ZDHHC21: variants seen among roughly 807,000 people sequenced by gnomAD.
ZDHHC21 encodes zDHHC palmitoyltransferase 21, also known as palmitoyltransferase ZDHHC21.
Under a neutral mutation model 34.6 loss-of-function variants are expected in ZDHHC21, and 15 were observed. The observed-to-expected ratio is 0.43, with a 90% confidence interval of 0.29 to 0.67. The LOEUF (loss-of-function observed/expected upper bound fraction) is 0.67, where lower values mean the gene tolerates loss of function less well. Ranked by LOEUF, ZDHHC21 falls within the 30% of genes least tolerant of loss-of-function variation. The pLI, the probability that ZDHHC21 is intolerant of heterozygous loss-of-function variation, is 0.14. For missense variants in ZDHHC21, 344 were observed against 327.7 expected (o/e 1.05, Z -0.38); for synonymous variants, 142 against 101.8 (o/e 1.40, Z -2.38).
At chr9:14,600,027 T>C in the ZDHHC21 span, among the ~76,000 whole-genome samples, 14 of 152,316 alleles carry the variant, frequency 9.2e-5, no homozygotes, top group African/African-American at 2.9e-4. Flanking sequence ...GAGCTATTTA[T>C]GACAAAACCA....
chr9:14,595,441 G>A, the ZDHHC21 span, among the ~76,000 whole-genome samples: 1 of 152,300 alleles, frequency 6.6e-6, no homozygotes, highest in Non-Finnish European at 1.5e-5. Context: ...TCCATTTATA[G>A]TAACTGCCTA....
At chr9:14,622,564 T>C (rs1586898025) in intron 8 of ZDHHC21, 4 of 985,302 alleles carry the variant, frequency 4.1e-6, no homozygotes, top group Non-Finnish European at 4.8e-6. Context: ...CCTCTTGGCA[T>C]AGAGCGCTTG....
Position 14,639,904 on chromosome 9 carries a change from T to G in ZDHHC21, c.613A>C (p.Ile205Leu). The change falls in exon 8 of 10, where the codon ATC becomes CTC. Residue 205 changes from isoleucine to leucine, a missense_variant. Coordinates refer to ENST00000380916, the MANE Select transcript of ZDHHC21 (RefSeq NM_178566.6). ...ATTAAAAATATACTTACTGTGATGA[T>G]GCCAATTAGTTGAGTGTAAAAGAGT... ...TGLFYTQLIGIITDTTSIEKM... is the reference protein window; with the variant it reads ...TGLFYTQLIGLITDTTSIEKM... 6.4e-7 allele frequency: 1 copy of G among 1,559,090 alleles called. No homozygotes were observed. The highest frequency in any genetic ancestry group is 8.7e-7 in the Non-Finnish European group (1 of 1,144,136).
At chr9:14,638,282 A>G (rs960602284) in intron 8 of ZDHHC21, among the ~76,000 whole-genome samples, 1 of 152,008 alleles carries the variant, frequency 6.6e-6, no homozygotes, top group East Asian at 1.9e-4. Context: ...ACATTGGGGG[A>G]AAAAAACAGT....
intron 2 of ZDHHC21, among the ~76,000 whole-genome samples, chr9:14,685,107 A>G (rs1305990523): frequency 6.6e-6 from 1 of 152,058 alleles, no homozygotes; most frequent in Non-Finnish European, 1.5e-5. Context: ...ACCCTAGAAG[A>G]AAACCTAGGC....
chr9:14,674,051 TA>T, intron 4 of ZDHHC21, 135 bp downstream of exon 4: 1 of 484,362 alleles, frequency 2.1e-6, no homozygotes. Context: ...CATAAATTAG[TA>T]AATAACTGAA....
chr9:14,674,367 C>A lies in ZDHHC21; in HGVS notation c.-27G>T, dbSNP rs1485261913. 24 of 1,571,918 alleles carry A rather than the reference C, an allele frequency of 1.5e-5. No individual in the cohort carries two copies. Among genetic ancestry groups the A allele is most frequent in the Non-Finnish European group, 2.0e-5 (23 of 1,163,792 alleles). Reference sequence around the variant, plus strand: ...TTGCAATCTTATAACTGCCTGCTAACCCACAAGGAAGGATGATCCTAAGGA... The same window carrying A: ...TTGCAATCTTATAACTGCCTGCTAAACCACAAGGAAGGATGATCCTAAGGA... On this transcript the variant is annotated 5_prime_UTR_variant, in exon 4 of 10. Transcript: ENST00000380916.
intron 5 of ZDHHC21, among the ~76,000 whole-genome samples, 177 bp downstream of exon 5, chr9:14,672,653 C>T (rs1587372716): frequency 6.6e-6 from 1 of 152,022 alleles, no homozygotes; most frequent in South Asian, 2.1e-4. Flanking sequence ...TGCCGGGGTG[C>T]AGGGGGAGCA....
intron 8 of ZDHHC21, among the ~76,000 whole-genome samples, chr9:14,630,602 C>A (rs138703304): frequency 6.6e-6 from 1 of 152,180 alleles, no homozygotes; most frequent in Non-Finnish European, 1.5e-5. Flanking sequence ...TGTACTTTCT[C>A]CAGATCCATC....
the ZDHHC21 span, among the ~76,000 whole-genome samples, chr9:14,595,860 C>A: frequency 6.6e-6 from 1 of 152,102 alleles, no homozygotes; most frequent in African/African-American, 2.4e-5. Context: ...AGCCATCAGG[C>A]AAATGTAAAT....
chr9:14,634,410 G>A (rs545462476), intron 8 of ZDHHC21, among the ~76,000 whole-genome samples: 91 of 152,274 alleles, frequency 6.0e-4, no homozygotes, highest in Non-Finnish European at 1.1e-3. Flanking sequence ...GGTCTGTGTG[G>A]ACCTGCTAAC....
intron 5 of ZDHHC21, among the ~76,000 whole-genome samples, chr9:14,669,664 C>G (rs1835102700): frequency 6.9e-6 from 1 of 145,148 alleles, no homozygotes. Context: ...CCATGGAATA[C>G]TATGCAGCCA....
At chr9:14,643,369 C>A (rs1166324411) in intron 7 of ZDHHC21, among the ~76,000 whole-genome samples, 1 of 152,162 alleles carries the variant, frequency 6.6e-6, no homozygotes, top group Non-Finnish European at 1.5e-5. Flanking sequence ...TCTCCCTCAC[C>A]CCTACCCTAA....
chr9:14,685,809 G>T (rs79122400), intron 2 of ZDHHC21, among the ~76,000 whole-genome samples: 2 of 152,126 alleles, frequency 1.3e-5, no homozygotes, highest in South Asian at 4.1e-4. Context: ...CAACCCAAAT[G>T]TTCATCAATG....
chr9:14,660,990 A>C (rs886215533), intron 6 of ZDHHC21, among the ~76,000 whole-genome samples: 8 of 152,206 alleles, frequency 5.3e-5, no homozygotes, highest in African/African-American at 1.7e-4. Flanking sequence ...GAGCAAACAG[A>C]TCACTGAGCT....
At chr9:14,658,710 A>G (rs1832802292) in intron 7 of ZDHHC21, 39 bp downstream of exon 7, 1 of 1,588,014 alleles carries the variant, frequency 6.3e-7, no homozygotes, top group South Asian at 1.1e-5. Context: ...TGACCTCGTG[A>G]TCCGCCCGCC....
At chr9:14,664,476 G>C (rs1032435787) in intron 5 of ZDHHC21, among the ~76,000 whole-genome samples, 122 of 151,988 alleles carry the variant, frequency 8.0e-4, no homozygotes, top group African/African-American at 2.8e-3. Context: ...AGACAAAGCA[G>C]CCGGGAAGCT....
At chr9:14,679,667 A>G (rs980587494) in intron 3 of ZDHHC21, among the ~76,000 whole-genome samples, 2 of 152,160 alleles carry the variant, frequency 1.3e-5, no homozygotes, top group African/African-American at 2.4e-5. Flanking sequence ...AAGAGACACT[A>G]AACTTACAAA....
intron 5 of ZDHHC21, among the ~76,000 whole-genome samples, chr9:14,663,949 C>T (rs186503479): frequency 3.9e-5 from 6 of 152,306 alleles, no homozygotes; most frequent in East Asian, 1.9e-4. Flanking sequence ...CACTCCCCTA[C>T]TTAGCTCAAT....
Sources: gnomAD v4.1 joint callset for allele counts (sites outside exome capture counted in the v4.1 genomes callset) on GRCh38, gnomAD v4.1.1 for gene constraint, MANE v1.5 for transcripts, NCBI Gene and HGNC (gene_info 2026-07-23, HGNC 2026-07-21) for gene names.